MDGA2: variants seen among roughly 807,000 people sequenced by gnomAD.
MDGA2 encodes MAM domain-containing glycosylphosphatidylinositol anchor protein 2.
A neutral mutation model predicts 117.8 loss-of-function variants in MDGA2; 40 were observed. The observed-to-expected ratio is 0.34, with a 90% CI of 0.26 to 0.44. The LOEUF (loss-of-function observed/expected upper bound fraction) is 0.44. MDGA2 is among the 20% of genes least tolerant of loss of function. The pLI is 1.00. For synonymous variants in MDGA2, 452 were observed against 439.0 expected (o/e 1.03, Z -0.37); for missense variants, 1,123 against 1,250.6 (o/e 0.90, Z 1.54).
At chr14:46,928,297 A>C (rs1884408613) in intron 9 of MDGA2, among the ~76,000 whole-genome samples, 1 of 152,172 alleles carries the variant, frequency 6.6e-6, no homozygotes, top group African/African-American at 2.4e-5. Flanking sequence ...ATTTGTAATA[A>C]TATGTCTAAA....
chr14:47,324,647 A>AT (rs151283241), intron 1 of MDGA2, among the ~76,000 whole-genome samples: 4,698 of 151,124 alleles, frequency 0.031, 214 homozygotes, highest in East Asian at 0.25. Flanking sequence ...AAATTCATGC[A>AT]TTTTTTTTTG....
At chr14:47,171,734 T>C (rs1417998497) in intron 3 of MDGA2, among the ~76,000 whole-genome samples, 1 of 152,114 alleles carries the variant, frequency 6.6e-6, no homozygotes, top group Non-Finnish European at 1.5e-5. Flanking sequence ...AGATGGGAGA[T>C]TTCTGCATTT....
At chr14:47,102,956 T>C (rs561412753) in intron 5 of MDGA2, among the ~76,000 whole-genome samples, 3 of 152,004 alleles carry the variant, frequency 2.0e-5, no homozygotes, top group Non-Finnish European at 4.4e-5. Context: ...GATCAACGAG[T>C]GGCTACATGG....
chr14:47,224,374 G>A (rs1424066120), intron 2 of MDGA2, among the ~76,000 whole-genome samples: 1 of 144,176 alleles, frequency 6.9e-6, no homozygotes, highest in Non-Finnish European at 1.5e-5. Context: ...AATTAAATCT[G>A]TATTGACTGA....
intron 1 of MDGA2, among the ~76,000 whole-genome samples, chr14:47,413,254 G>A (rs1412498695): frequency 6.6e-6 from 1 of 152,132 alleles, no homozygotes; most frequent in Non-Finnish European, 1.5e-5. Context: ...TTAATTACTC[G>A]TATATAGGCT....
At chr14:47,614,550 C>A (rs570559998) in intron 1 of MDGA2, among the ~76,000 whole-genome samples, 1 of 152,310 alleles carries the variant, frequency 6.6e-6, no homozygotes, top group Non-Finnish European at 1.5e-5. Context: ...TTTAATACAA[C>A]ATGCTTCCAT....
chr14:47,284,865 C>G (rs958604395), intron 2 of MDGA2, among the ~76,000 whole-genome samples: 1 of 152,068 alleles, frequency 6.6e-6, no homozygotes, highest in Non-Finnish European at 1.5e-5. Context: ...CAGCTACTGA[C>G]TTAGCTTATC....
chr14:47,323,476 T>A (rs1014121499), intron 1 of MDGA2, among the ~76,000 whole-genome samples: 3 of 151,280 alleles, frequency 2.0e-5, no homozygotes, highest in African/African-American at 4.9e-5. Flanking sequence ...AAAACAAATT[T>A]AAAAAATTAG....
intron 2 of MDGA2, among the ~76,000 whole-genome samples, chr14:47,244,827 C>G (rs1276741583): frequency 6.6e-6 from 1 of 151,646 alleles, no homozygotes; most frequent in African/African-American, 2.4e-5. Flanking sequence ...TTCCCATGTT[C>G]TCTTAGAACA....
intron 1 of MDGA2, among the ~76,000 whole-genome samples, chr14:47,480,495 C>A (rs1222949324): frequency 1.3e-5 from 2 of 151,898 alleles, no homozygotes; most frequent in Non-Finnish European, 2.9e-5. Context: ...AAAATAATTA[C>A]AAGAATTAAG....
rs1884641784 is a variant in MDGA2, at chr14:47,180,158, AT to A, written c.596-35885del. ...ATATTGAGCCTAGTACCCATTAGTT[AT>A]TTTTCTTGATCCTCTCCTTCCTCCC... On this transcript the variant is annotated intron_variant, in intron 3 of 16. Coordinates refer to ENST00000399232, the MANE Select transcript of MDGA2 (RefSeq NM_001113498.3). Among the ~76,000 whole-genome samples, 3 of 152,048 alleles carry A rather than the reference AT, an allele frequency of 2.0e-5. No homozygotes were observed. The South Asian group carries it at 6.2e-4, about 32-fold the overall frequency.
chr14:47,515,823 C>G lies in MDGA2; in HGVS notation c.280+158694G>C, dbSNP rs182884081. ...TTCTGTCACTTACTGGCTGTGTGGC[C>G]CTGGTCAAATTCACTGAGTTTTCTG... On this transcript the variant is annotated intron_variant, in intron 1 of 16. Transcript: ENST00000399232. Among the ~76,000 whole-genome samples, 45 of 152,154 alleles carry G rather than the reference C, an allele frequency of 3.0e-4. No individual in the cohort carries two copies. The East Asian group carries it at 8.5e-3, about 29-fold the overall frequency.
At chr14:47,078,832 C>A (rs1317463365) in intron 6 of MDGA2, among the ~76,000 whole-genome samples, 1 of 152,052 alleles carries the variant, frequency 6.6e-6, no homozygotes, top group Non-Finnish European at 1.5e-5. Context: ...ACATAGTTCT[C>A]TAGGAAGCTA....
At chr14:47,191,029 CTTATA>C (rs1177476051) in intron 3 of MDGA2, among the ~76,000 whole-genome samples, 3 of 151,866 alleles carry the variant, frequency 2.0e-5, no homozygotes, top group Non-Finnish European at 4.4e-5. Context: ...CCCTATGGTT[CTTATA>C]TTAGATTTAG....
At chr14:46,883,228 A>G (rs185248937) in intron 10 of MDGA2, among the ~76,000 whole-genome samples, 7 of 152,126 alleles carry the variant, frequency 4.6e-5, no homozygotes, top group Non-Finnish European at 1.0e-4. Flanking sequence ...TTCATCATAC[A>G]GTACTGTTAT....
intron 3 of MDGA2, among the ~76,000 whole-genome samples, chr14:47,156,036 G>A (rs190952964): frequency 3.4e-4 from 52 of 151,034 alleles, no homozygotes; most frequent in African/African-American, 1.2e-3. Context: ...AGCCGCTGGC[G>A]TAGCTGGGAT....
chr14:47,225,676 T>G (rs1348902706), intron 2 of MDGA2, among the ~76,000 whole-genome samples: 43 of 135,554 alleles, frequency 3.2e-4, no homozygotes, highest in African/African-American at 5.9e-4. Context: ...GTGGGGGGAG[T>G]GGGGAGGGAT....
intron 1 of MDGA2, among the ~76,000 whole-genome samples, chr14:47,355,166 CT>C (rs1890966246): frequency 6.6e-6 from 1 of 152,168 alleles, no homozygotes; most frequent in South Asian, 2.1e-4. Flanking sequence ...GCTTATTTTT[CT>C]TTTACACATC....
chr14:46,860,655 G>GTT (rs527867998), intron 14 of MDGA2, among the ~76,000 whole-genome samples: 2 of 151,678 alleles, frequency 1.3e-5, no homozygotes, highest in East Asian at 3.9e-4. Context: ...AAACCATATT[G>GTT]TTTTTTTCTG....
Sources: allele counts gnomAD v4.1 joint callset (sites outside exome capture counted in the v4.1 genomes callset), GRCh38; gene constraint gnomAD v4.1.1; transcripts MANE v1.5; gene names NCBI Gene and HGNC (gene_info 2026-07-23, HGNC 2026-07-21).